Variants in KAT6A observed in about 807,000 individuals in gnomAD.
The protein encoded by KAT6A is lysine acetyltransferase 6A, also known as histone acetyltransferase KAT6A.
KAT6A carries 9 observed loss-of-function variants against 198.4 expected under a neutral mutation model. The observed-to-expected ratio is 0.05, with a 90% confidence interval of 0.03 to 0.08. The LOEUF is 0.08. Among genes scored for constraint, KAT6A ranks in the 10% least tolerant of loss-of-function variants. The probability of loss-of-function intolerance (pLI) is 1.00; values close to 1 mark genes in which losing one functional copy is unlikely to be tolerated. For synonymous variants in KAT6A, 890 were observed against 883.0 expected, an observed-to-expected ratio of 1.01 and a Z score of -0.14; for missense variants, 2,077 against 2,509.9, an observed-to-expected ratio of 0.83 and a Z score of 3.69.
At chr8:42,014,193 G>C (rs1294880167) in intron 2 of KAT6A, among the ~76,000 whole-genome samples, 2 of 152,100 alleles carry the variant, frequency 1.3e-5, no homozygotes, top group Non-Finnish European at 2.9e-5. Context: ...TGTTCTAAGG[G>C]GCAGAGCCAA....
At chr8:41,958,131 C>A (rs770915325) in intron 8 of KAT6A, 1 of 152,134 alleles carries the variant, frequency 6.6e-6, no homozygotes, top group South Asian at 2.1e-4. Context: ...AGAAACACTA[C>A]AGTAAGTAAT....
chr8:41,932,540 G>C lies in KAT6A; in HGVS notation c.5680C>G (p.Gln1894Glu). Reference protein sequence around the residue: ...MQAGPRALAVQRGMNMGVNLM... With the variant: ...MQAGPRALAVERGMNMGVNLM... ...TTAACCCCCATGTTCATGCCACGCT[G>C]AACAGCCAGTGCGCGAGGGCCAGCC... Residue 1894 changes from glutamine to glutamate, a missense_variant, in exon 17 of 17, where the codon CAG (glutamine) becomes GAG (glutamate). This residue lies in a region of KAT6A where 500 missense variants were observed against 577.2 expected (regional missense o/e 0.87). Coordinates refer to ENST00000265713, the MANE Select transcript of KAT6A (RefSeq NM_006766.5). The C allele has an allele frequency of 7.4e-6, 12 of 1,614,254 alleles. No homozygotes were observed. The highest frequency in any genetic ancestry group is 1.0e-5 in the Non-Finnish European group (12 of 1,180,042).
intron 15 of KAT6A, among the ~76,000 whole-genome samples, chr8:41,940,176 T>G (rs6474373): frequency 0.25 from 37,524 of 152,160 alleles, 5,228 homozygotes; most frequent in African/African-American, 0.34. Context: ...TAAAATCCAC[T>G]CCATAGCCTG....
intron 2 of KAT6A, among the ~76,000 whole-genome samples, chr8:42,019,834 A>G (rs899108223): frequency 2.0e-5 from 3 of 152,194 alleles, no homozygotes; most frequent in African/African-American, 4.8e-5. Context: ...AATAGAAGGG[A>G]AAAATGGGCA....
rs771356004 is a variant in KAT6A, at chr8:41,932,515, T to C, written c.5705A>G (p.Asn1902Ser). Residue 1902 changes from asparagine (N) to serine (S), a missense_variant, in exon 17 of 17, where the codon AAT becomes AGT. Coordinates refer to ENST00000265713, the MANE Select transcript of KAT6A (RefSeq NM_006766.5). ...AVQRGMNMGV[N>S]LMPTPAYNVN... ...ATTATAGGCGGGAGTAGGCATCAGA[T>C]TAACCCCCATGTTCATGCCACGCTG... is the stretch of plus-strand genomic sequence containing the variant. 6 of 1,614,120 alleles carry C rather than the reference T, an allele frequency of 3.7e-6. No homozygotes were observed. Among genetic ancestry groups the C allele is most frequent in the Non-Finnish European group, 5.1e-6 (6 of 1,180,046 alleles).
rs1564089661 is a variant in KAT6A at position 42,048,715 on chromosome 8, T to C, written c.263A>G (p.His88Arg). The change falls in exon 2 of 17, where the codon CAT (histidine) becomes CGT (arginine). Residue 88 changes from histidine (H) to arginine (R), a missense_variant. Physicochemically the swap from His to Arg is conservative, Grantham distance 29. Transcript: ENST00000265713. ...ATTTTGTTTATTATCCAATTTTCCA[T>C]GGTTCCGAGGCTTAGGAAGTGCTAT... ...GRIALPKPRNHGKLDNKQNVD... is the reference protein window; with the variant it reads ...GRIALPKPRNRGKLDNKQNVD... 6.2e-6 allele frequency: 10 copies of C among 1,614,236 alleles called. No homozygotes were observed. Among genetic ancestry groups the C allele is most frequent in the Non-Finnish European group, 8.5e-6 (10 of 1,180,030 alleles).
intron 16 of KAT6A, among the ~76,000 whole-genome samples, chr8:41,935,583 G>A (rs753893214): frequency 1.2e-4 from 18 of 151,996 alleles, no homozygotes; most frequent in Non-Finnish European, 1.8e-4. Context: ...TAAACTATAC[G>A]TAACATAAAA....
At chr8:42,033,021 G>A (rs1383968541) in intron 2 of KAT6A, among the ~76,000 whole-genome samples, 1 of 151,826 alleles carries the variant, frequency 6.6e-6, no homozygotes, top group East Asian at 1.9e-4. Flanking sequence ...TGGGATTACA[G>A]GCACCTACCA....
intron 2 of KAT6A, among the ~76,000 whole-genome samples, chr8:41,996,086 TC>T (rs1825188204): frequency 6.6e-6 from 1 of 152,222 alleles, no homozygotes. Context: ...TTATTTTGTC[TC>T]TATTCTTAAA....
chr8:41,934,481 T>C lies in KAT6A; in HGVS notation c.3739A>G (p.Ser1247Gly). The C allele has an allele frequency of 1.9e-6, 3 of 1,610,096 alleles. No individual in the cohort carries two copies. The highest frequency in any genetic ancestry group is 2.5e-6 in the Non-Finnish European group (3 of 1,177,912). ...GCTGGAGAGGCTGCTGGGACTTCAC[T>C]GCTGGCTGCATCCTCTTCCTCACCC... The part of the protein sequence containing the change: ...EEGEEEDAAS[S>G]EVPAASPADS... The change falls in exon 17 of 17, where the codon AGT (serine) becomes GGT (glycine). Residue 1247 changes from serine (S) to glycine (G), a missense_variant. Ser to Gly is a moderately conservative substitution (Grantham distance 56, BLOSUM62 0). This residue lies in a region of KAT6A where 375 missense variants were observed against 383.0 expected (regional missense o/e 0.98). Transcript: ENST00000265713.
At chr8:42,051,634 C>T (rs1371117065) in intron 1 of KAT6A, among the ~76,000 whole-genome samples, 2 of 144,696 alleles carry the variant, frequency 1.4e-5, no homozygotes, top group Non-Finnish European at 3.1e-5. Flanking sequence ...CCCGCGAGCG[C>T]GGGGCCGGGC....
chr8:42,047,947 C>A (rs943902486), intron 2 of KAT6A, among the ~76,000 whole-genome samples: 12 of 151,890 alleles, frequency 7.9e-5, no homozygotes, highest in Non-Finnish European at 1.6e-4. Flanking sequence ...GAAAAATGTT[C>A]TCAGAGTCAT....
At chr8:42,015,271 A>T (rs1045113477) in intron 2 of KAT6A, among the ~76,000 whole-genome samples, 2 of 152,378 alleles carry the variant, frequency 1.3e-5, no homozygotes, top group East Asian at 3.9e-4. Flanking sequence ...TGCAATCTAT[A>T]GCCAGATCCC....
rs1821528808 is a variant in KAT6A at position 41,931,278 on chromosome 8, TGC to T, written c.*925_*926del. On this transcript the variant is annotated 3_prime_UTR_variant, in exon 17 of 17. Coordinates refer to ENST00000265713, the MANE Select transcript of KAT6A (RefSeq NM_006766.5). ...AACAAGAGGCTGGGTGGCGTGTGTG[TGC>T]GTTATGGCTGATTCACCAGGTGGTA... The T allele has an allele frequency of 4.5e-6, 1 of 220,278 alleles. No individual in the cohort carries two copies. Among genetic ancestry groups the T allele is most frequent in the East Asian group, 6.7e-5 (1 of 15,028 alleles). The allele number at this position is 220,278 out of a possible 1,614,324, so 13.6% of individuals were successfully genotyped here.
chr8:42,007,097 C>G (rs1825787306), intron 2 of KAT6A, among the ~76,000 whole-genome samples: 1 of 151,884 alleles, frequency 6.6e-6, no homozygotes, highest in Admixed American at 6.6e-5. Context: ...CAATTTGCCC[C>G]TAAGAACACG....
chr8:41,932,872 C>T lies in KAT6A; in HGVS notation c.5348G>A (p.Ser1783Asn). 6.2e-7 allele frequency: 1 copy of T among 1,614,106 alleles called. No homozygotes were observed. Among genetic ancestry groups the T allele is most frequent in the Non-Finnish European group, 8.5e-7 (1 of 1,180,016 alleles). The change falls in exon 17 of 17, where the codon AGT becomes AAT. Residue 1783 changes from serine (S) to asparagine (N), a missense_variant. Ser to Asn is a conservative substitution (Grantham distance 46). Coordinates refer to ENST00000265713, the MANE Select transcript of KAT6A (RefSeq NM_006766.5). The stretch of plus-strand genomic sequence containing the variant: ...CAGTCCTGTATTGGACAGAGAAACA[C>T]TGGTTGCATAGGAAGTCACAGCAGG... Reference protein sequence around the residue: ...HSPAVTSYATSVSLSNTGLAQ... With the variant: ...HSPAVTSYATNVSLSNTGLAQ...
At chr8:41,957,299 CCT>C (rs1158656423) in intron 8 of KAT6A, 3 of 562,868 alleles carry the variant, frequency 5.3e-6, no homozygotes, top group South Asian at 1.4e-5. Context: ...TCCCAGCTCC[CCT>C]GAGCAAGCCT....
chr8:42,021,326 T>G (rs963869735), intron 2 of KAT6A, among the ~76,000 whole-genome samples: 2 of 152,232 alleles, frequency 1.3e-5, no homozygotes, highest in Non-Finnish European at 2.9e-5. Context: ...TGTCTTGTTT[T>G]ACTGGAGAAA....
In KAT6A at chr8:42,001,984, T is replaced by C. The variant is rs564552572; in HGVS notation, c.601-14421A>G. Among the ~76,000 whole-genome samples the C allele has an allele frequency of 2.6e-5, 4 of 151,994 alleles. No homozygotes were observed. The East Asian group carries it at 7.8e-4, about 30-fold the overall frequency. The stretch of plus-strand genomic sequence containing the variant: ...AATTATAAAATCGTAACATTCATAC[T>C]AAAATTTTTATAATAAAACGAGAGA... On this transcript the variant is annotated intron_variant, in intron 2 of 16. Coordinates refer to ENST00000265713, the MANE Select transcript of KAT6A (RefSeq NM_006766.5).
Sources: gnomAD v4.1 joint callset for allele counts (sites outside exome capture counted in the v4.1 genomes callset) on GRCh38, gnomAD v4.1.1 for gene constraint, gnomAD v4.1.1 regional missense constraint, MANE v1.5 for transcripts, NCBI Gene and HGNC (gene_info 2026-07-23, HGNC 2026-07-21) for gene names.